The following SLC31A1 variants were observed in gnomAD, a reference collection of about 807,000 sequenced individuals.
The protein encoded by SLC31A1 is solute carrier family 31 member 1, also known as high affinity copper uptake protein 1.
SLC31A1 carries 5 observed loss-of-function variants against 17.2 expected under a neutral mutation model. The ratio of observed to expected loss-of-function variants is 0.29; its 90% CI spans 0.15 to 0.61. The LOEUF (loss-of-function observed/expected upper bound fraction) is 0.61, where lower values mean the gene tolerates loss of function less well. Among genes scored for constraint, SLC31A1 ranks in the 20% least tolerant of loss-of-function variants. The pLI, the probability that SLC31A1 is intolerant of heterozygous loss-of-function variation, is 0.86. For missense variants in SLC31A1, 161 were observed against 241.4 expected (o/e 0.67, Z 2.21); for synonymous variants, 76 against 78.8 (o/e 0.96, Z 0.19).
chr9:113,230,196 C>A (rs546538210), intron 1 of SLC31A1, among the ~76,000 whole-genome samples: 1 of 152,284 alleles, frequency 6.6e-6, no homozygotes, highest in South Asian at 2.1e-4. Flanking sequence ...GATACCATAA[C>A]AATTACTAAT....
At chr9:113,249,830 G>A (rs10981702) in intron 1 of SLC31A1, among the ~76,000 whole-genome samples, 48,306 of 150,418 alleles carry the variant, frequency 0.32, 7,867 homozygotes, top group African/African-American at 0.35. Context: ...AAATTTACAA[G>A]AAAAAAAACA....
chr9:113,262,688 G>A lies in SLC31A1; in HGVS notation c.*2215G>A, dbSNP rs1358701527. 6.6e-6 allele frequency: 1 copy of A among 152,616 alleles called. No homozygotes were observed. The highest frequency in any genetic ancestry group is 1.5e-5 in the Non-Finnish European group (1 of 68,046). 9.5% of individuals were successfully genotyped at this position (152,616 alleles called of 1,614,324 possible). On this transcript the variant is annotated 3_prime_UTR_variant, in exon 5 of 5. Coordinates refer to ENST00000374212, the MANE Select transcript of SLC31A1 (RefSeq NM_001859.4). ...AATGATGATACTTAACATGAGCAGG[G>A]TGAATGACAGGTACTGACGAAGTCC...
At chr9:113,254,227 A>G (rs1587995727) in intron 1 of SLC31A1, among the ~76,000 whole-genome samples, 1 of 152,012 alleles carries the variant, frequency 6.6e-6, no homozygotes, top group Non-Finnish European at 1.5e-5. Context: ...GTGCTGGGAT[A>G]ACAGGCATGA....
chr9:113,246,803 A>G (rs10817467), intron 1 of SLC31A1, among the ~76,000 whole-genome samples: 37,113 of 151,806 alleles, frequency 0.24, 4,755 homozygotes, highest in Non-Finnish European at 0.26. Context: ...ACACACCACC[A>G]CATCCAGCTA....
chr9:113,240,565 T>C (rs1425285023), intron 1 of SLC31A1, among the ~76,000 whole-genome samples: 1 of 152,186 alleles, frequency 6.6e-6, no homozygotes, highest in Non-Finnish European at 1.5e-5. Flanking sequence ...TGGAATGAGT[T>C]AGATTATAAA....
chr9:113,247,566 A>G (rs11793978), intron 1 of SLC31A1, among the ~76,000 whole-genome samples: 16,569 of 152,212 alleles, frequency 0.11, 1,234 homozygotes, highest in Non-Finnish European at 0.15. Context: ...ATAAATTCAT[A>G]TGTATTTTTG....
intron 1 of SLC31A1, among the ~76,000 whole-genome samples, chr9:113,228,877 G>A (rs893028976): frequency 7.2e-5 from 11 of 151,826 alleles, no homozygotes; most frequent in African/African-American, 2.4e-4. Flanking sequence ...TTGGAGTTTC[G>A]CTCTTGTTGC....
At chr9:113,224,429 C>CT (rs200703569) in intron 1 of SLC31A1, among the ~76,000 whole-genome samples, 9,285 of 141,142 alleles carry the variant, frequency 0.066, 410 homozygotes, top group Admixed American at 0.11. Context: ...TGTATGCTCA[C>CT]TTTTTTTTTT....
intron 1 of SLC31A1, among the ~76,000 whole-genome samples, chr9:113,230,687 A>T (rs1484204937): frequency 6.6e-6 from 1 of 152,230 alleles, no homozygotes; most frequent in African/African-American, 2.4e-5. Context: ...TCAAACATTT[A>T]TCATTTCTTT....
intron 1 of SLC31A1, 141 bp from the exon 2 acceptor site, chr9:113,255,973 G>C (rs1034847462): frequency 1.7e-6 from 1 of 585,188 alleles, no homozygotes; most frequent in African/African-American, 1.9e-5. Flanking sequence ...CTCCTGTACT[G>C]ATCAGTAGTG....
intron 1 of SLC31A1, among the ~76,000 whole-genome samples, chr9:113,222,829 G>A (rs1263352040): frequency 6.6e-6 from 1 of 152,132 alleles, no homozygotes; most frequent in Non-Finnish European, 1.5e-5. Flanking sequence ...TGGAGGTGTT[G>A]GGGGAGTAAC....
Position 113,260,522 on chromosome 9 carries a change from A to G in SLC31A1, c.*49A>G, listed in dbSNP as rs1328197859. 1 of 1,478,430 alleles carries G rather than the reference A, an allele frequency of 6.8e-7. No individual in the cohort carries two copies. Among genetic ancestry groups the G allele is most frequent in the Non-Finnish European group, 9.4e-7 (1 of 1,068,124 alleles). The allele number at this position is 1,478,430 out of a possible 1,614,324, so 91.6% of individuals were successfully genotyped here. On this transcript the variant is annotated 3_prime_UTR_variant, in exon 5 of 5. Transcript: ENST00000374212. ...TATCGATTGCAGTGGGAAGTTGTTGAAGACTTGAAGACGTGATTCCTGCTC... is the reference window on the plus strand; with the variant it reads ...TATCGATTGCAGTGGGAAGTTGTTGGAGACTTGAAGACGTGATTCCTGCTC...
intron 1 of SLC31A1, among the ~76,000 whole-genome samples, chr9:113,242,897 AACAGGTATGAGTTTTGTTT>A (rs1264544873): frequency 1.3e-5 from 2 of 152,228 alleles, no homozygotes; most frequent in African/African-American, 4.8e-5. Context: ...TACTCTTAGA[AACAGGTATGAGTTTTGTTT>A]ACAGTCTCTC....
intron 1 of SLC31A1, among the ~76,000 whole-genome samples, chr9:113,225,083 A>T (rs1831326216): frequency 6.6e-6 from 1 of 152,226 alleles, no homozygotes. Context: ...ACTTTCAGTA[A>T]TAAGCACAAC....
intron 1 of SLC31A1, chr9:113,223,184 CT>C: frequency 4.6e-6 from 2 of 435,640 alleles, no homozygotes; most frequent in Non-Finnish European, 9.2e-6. Context: ...AATCAATAGC[CT>C]TTTTGGTGAT....
intron 4 of SLC31A1, 115 bp from the exon 5 acceptor site, chr9:113,260,157 T>C (rs1587997792): frequency 5.9e-6 from 5 of 846,610 alleles, no homozygotes; most frequent in Non-Finnish European, 1.0e-5. Context: ...ACCCATGAGT[T>C]GCCAGAGTGG....
chr9:113,250,286 CAAA>C (rs1014110774), intron 1 of SLC31A1, among the ~76,000 whole-genome samples: 5 of 120,440 alleles, frequency 4.2e-5, no homozygotes, highest in African/African-American at 1.3e-4. Context: ...CCCAAATGTC[CAAA>C]AATGATAGAC....
chr9:113,243,940 G>T (rs942893056), intron 1 of SLC31A1, among the ~76,000 whole-genome samples: 4 of 152,016 alleles, frequency 2.6e-5, no homozygotes, highest in African/African-American at 9.7e-5. Flanking sequence ...GATCACCTGA[G>T]GTCAGGAGTT....
intron 1 of SLC31A1, among the ~76,000 whole-genome samples, chr9:113,251,613 A>C (rs188783423): frequency 2.0e-5 from 3 of 152,324 alleles, no homozygotes; most frequent in Non-Finnish European, 2.9e-5. Flanking sequence ...TATTCTAGAG[A>C]GAATGGGTTA....
Sources: allele counts gnomAD v4.1 joint callset (sites outside exome capture counted in the v4.1 genomes callset), GRCh38; gene constraint gnomAD v4.1.1; transcripts MANE v1.5; gene names NCBI Gene and HGNC (gene_info 2026-07-23, HGNC 2026-07-21).